The following DOCK9 variants were observed in gnomAD, a reference collection of about 807,000 sequenced individuals.
DOCK9 encodes dedicator of cytokinesis protein 9.
In DOCK9, 89 loss-of-function variants were observed where a neutral mutation model predicts 263.3. The observed-to-expected ratio is 0.34, with a 90% CI of 0.28 to 0.40. The LOEUF is 0.40. Ranked by LOEUF, DOCK9 falls within the 10% of genes least tolerant of loss-of-function variation. The pLI, the probability that DOCK9 is intolerant of heterozygous loss-of-function variation, is 1.00. For missense variants in DOCK9, 2,140 were observed against 2,603.4 expected (o/e 0.82, Z 3.87); for synonymous variants, 976 against 973.1 (o/e 1.00, Z -0.06).
At chr13:98,816,616 A>G (rs573472595) in intron 45 of DOCK9, among the ~76,000 whole-genome samples, 1 of 151,628 alleles carries the variant, frequency 6.6e-6, no homozygotes, top group Non-Finnish European at 1.5e-5. Flanking sequence ...ATGTGCAGGG[A>G]GGCGGGAAAG....
At chr13:99,027,487 C>T (rs897967588) in intron 1 of DOCK9, among the ~76,000 whole-genome samples, 2 of 152,144 alleles carry the variant, frequency 1.3e-5, no homozygotes, top group South Asian at 4.1e-4. Flanking sequence ...GGAGTGCTAC[C>T]GAGAAATCAA....
At chr13:98,998,254 C>T (rs1348384764) in intron 1 of DOCK9, among the ~76,000 whole-genome samples, 1 of 152,142 alleles carries the variant, frequency 6.6e-6, no homozygotes, top group Non-Finnish European at 1.5e-5. Flanking sequence ...ACACCCACAG[C>T]GCACATGTCT....
chr13:98,993,537 T>C (rs527670945), intron 1 of DOCK9, among the ~76,000 whole-genome samples: 76 of 152,326 alleles, frequency 5.0e-4, no homozygotes, highest in Non-Finnish European at 9.8e-4. Context: ...GAAAGACTGA[T>C]GGGCTTGTGA....
chr13:98,900,999 A>G (rs1337733691), intron 13 of DOCK9, among the ~76,000 whole-genome samples: 1 of 152,152 alleles, frequency 6.6e-6, no homozygotes, highest in Non-Finnish European at 1.5e-5. Context: ...TTTTTTTTAA[A>G]TAACTAAAAA....
rs146038138 is a variant in DOCK9 at position 98,885,736 on chromosome 13, C to T, written c.2232G>A (p.Thr744=). The change falls in exon 20 of 53, where the codon ACG becomes ACA. Residue 744 remains threonine, a synonymous_variant. Transcript: ENST00000682017. ...VSCDNSSKGS[T]KKRDVVETQV... ...GGGTTTCAACGACATCCCTCTTCTT[C>T]GTGCTTCCTTTACTTGAGTTGTCAC... 59 of 1,611,448 alleles carry T rather than the reference C, an allele frequency of 3.7e-5. No individual in the cohort carries two copies. The highest frequency in any genetic ancestry group is 9.4e-5 in the African/African-American group (7 of 74,818).
intron 15 of DOCK9, among the ~76,000 whole-genome samples, chr13:98,891,622 C>A (rs1448735995): frequency 6.6e-6 from 1 of 152,116 alleles, no homozygotes; most frequent in Non-Finnish European, 1.5e-5. Flanking sequence ...ATTAAATGAT[C>A]TTCACTGGAA....
rs146706071 is a variant in DOCK9 at position 98,867,371 on chromosome 13, TG to T, written c.3286+53del. On this transcript the variant is annotated intron_variant, in intron 30 of 52. Coordinates refer to ENST00000682017, the MANE Select transcript of DOCK9 (RefSeq NM_001366683.2). ...GTTTGAATCAATTATCTTTTCTTAT[TG>T]AAAATAAATGTCTCTGTTTGTGAAA... The T allele has an allele frequency of 9.1e-3, 9,127 of 999,708 alleles. 509 individuals are homozygous for T. The African/African-American group carries it at 0.13, about 14-fold the overall frequency. The allele number at this position is 999,708 out of a possible 1,614,324, so 61.9% of individuals were successfully genotyped here. A position where few individuals can be genotyped will look rare whatever the true frequency, so the allele number is the denominator to read the frequency against.
At chr13:98,990,982 G>C (rs971465603) in intron 1 of DOCK9, among the ~76,000 whole-genome samples, 2 of 152,098 alleles carry the variant, frequency 1.3e-5, no homozygotes, top group Non-Finnish European at 2.9e-5. Flanking sequence ...CTTAACCACA[G>C]AGCGCTGCAC....
At chr13:98,987,491 C>T (rs1164132118) in intron 1 of DOCK9, among the ~76,000 whole-genome samples, 1 of 152,176 alleles carries the variant, frequency 6.6e-6, no homozygotes, top group Admixed American at 6.5e-5. Context: ...TCTGTCGTTT[C>T]AAAAACAGGA....
In DOCK9 at chr13:98,904,685, T is replaced by G. The variant is rs768929957; in HGVS notation, c.982A>C (p.Lys328Gln). 2.8e-5 allele frequency: 43 copies of G among 1,556,500 alleles called. No homozygotes were observed. Among genetic ancestry groups the G allele is most frequent in the Non-Finnish European group, 3.7e-5 (42 of 1,148,986 alleles). The part of the protein sequence containing the change: ...LAKSAREAEI[K>Q]LKSESRVKLF... ...TTGACTCTGCTTTCACTTTTCAGTT[T>G]GATTTCTGCTTCTCTTGCACTCTGA... Residue 328 changes from lysine (K) to glutamine (Q), a missense_variant, in exon 10 of 53, where the codon AAA (lysine) becomes CAA (glutamine). Lys to Gln is a moderately conservative substitution (Grantham distance 53). Coordinates refer to ENST00000682017, the MANE Select transcript of DOCK9 (RefSeq NM_001366683.2).
In DOCK9 at chr13:98,902,326, C is replaced by T. The variant is rs557421445; in HGVS notation, c.1342G>A (p.Gly448Ser). 1.3e-4 allele frequency: 214 copies of T among 1,613,964 alleles called. No homozygotes were observed. The East Asian group carries it at 1.7e-3, about 13-fold the overall frequency. Reference protein sequence around the residue: ...GSGQSPSVLKGILHEAAMQYP... With the variant: ...GSGQSPSVLKSILHEAAMQYP... ...TGCATGGCGGCTTCATGAAGGATGC[C>T]CTTGAGGACAGATGGGCTCTGCCCA... Residue 448 changes from glycine (G) to serine (S), a missense_variant, in exon 12 of 53, where the codon GGC becomes AGC. Around this residue, in one of 2 missense-constraint regions of DOCK9, gnomAD observed 1,521 missense variants for 1,741.7 expected, o/e 0.87. Transcript: ENST00000682017.
intron 45 of DOCK9, among the ~76,000 whole-genome samples, chr13:98,820,345 C>T (rs980256986): frequency 4.6e-5 from 7 of 152,160 alleles, no homozygotes; most frequent in African/African-American, 1.7e-4. Flanking sequence ...CAACAAAATC[C>T]ACACAAATGT....
Position 98,905,478 on chromosome 13 carries a change from G to A in DOCK9, c.961-772C>T, listed in dbSNP as rs557860363. ...CCATTTGGAAGGACAAGAACACTTGGCCAGGAAAGGAGAAAAGCGCATTCT... is the reference window on the plus strand; with the variant it reads ...CCATTTGGAAGGACAAGAACACTTGACCAGGAAAGGAGAAAAGCGCATTCT... On this transcript the variant is annotated intron_variant, in intron 9 of 52. Coordinates refer to ENST00000682017, the MANE Select transcript of DOCK9 (RefSeq NM_001366683.2). 1.5e-4 allele frequency among the ~76,000 whole-genome samples: 23 copies of A among 152,282 alleles called. No individual in the cohort carries two copies. The Middle Eastern group carries it at 0.017, about 113-fold the overall frequency.
At chr13:98,965,845 G>T (rs1396218177) in intron 1 of DOCK9, among the ~76,000 whole-genome samples, 1 of 152,136 alleles carries the variant, frequency 6.6e-6, no homozygotes, top group Non-Finnish European at 1.5e-5. Context: ...GTTATCCTAA[G>T]AACAGACTAA....
At chr13:98,909,644 G>A (rs997422434) in intron 9 of DOCK9, among the ~76,000 whole-genome samples, 20 of 152,088 alleles carry the variant, frequency 1.3e-4, no homozygotes, top group African/African-American at 4.6e-4. Context: ...CTTCACAAAG[G>A]AGGCCCAGAA....
In DOCK9 at chr13:98,881,553, C is replaced by T; in HGVS notation, c.2745+5G>A. 1 of 1,597,882 alleles carries T rather than the reference C, an allele frequency of 6.3e-7. No homozygotes were observed. The highest frequency in any genetic ancestry group is 8.5e-7 in the Non-Finnish European group (1 of 1,171,880). ...TAAGTGATCAGAACAGTGTGTTTTA[C>T]ATACCTTAACATATGACCTCAAGTG... is the stretch of plus-strand genomic sequence containing the variant. On this transcript the variant is annotated splice_donor_5th_base_variant and intron_variant, in intron 25 of 52. Transcript: ENST00000682017.
At chr13:98,941,114 A>G (rs2055766175) in intron 2 of DOCK9, among the ~76,000 whole-genome samples, 1 of 152,356 alleles carries the variant, frequency 6.6e-6, no homozygotes, top group African/African-American at 2.4e-5. Context: ...CAAGTTGCTC[A>G]GACTGGTCTC....
At chr13:98,848,969 A>G (rs894490530) in intron 36 of DOCK9, among the ~76,000 whole-genome samples, 1 of 152,192 alleles carries the variant, frequency 6.6e-6, no homozygotes, top group Non-Finnish European at 1.5e-5. Context: ...TGTGCCCGAG[A>G]AAACATGTTC....
At chr13:99,021,180 CTCT>C (rs1406543685) in intron 1 of DOCK9, among the ~76,000 whole-genome samples, 3 of 152,206 alleles carry the variant, frequency 2.0e-5, no homozygotes, top group Non-Finnish European at 2.9e-5. Context: ...ATGCTGGTCT[CTCT>C]TCTTCTTTTG....
Sources: allele counts gnomAD v4.1 joint callset (sites outside exome capture counted in the v4.1 genomes callset), GRCh38; gene constraint gnomAD v4.1.1; regional missense constraint gnomAD v4.1.1; transcripts MANE v1.5; gene names NCBI Gene and HGNC (gene_info 2026-07-23, HGNC 2026-07-21).